KLF12: variants seen among roughly 807,000 people sequenced by gnomAD.
The protein encoded by KLF12 is Krueppel-like factor 12.
In KLF12, 9 loss-of-function variants were observed where a neutral mutation model predicts 37.8. The ratio of observed to expected loss-of-function variants is 0.24; its 90% CI spans 0.14 to 0.42. The LOEUF (loss-of-function observed/expected upper bound fraction) is 0.42. Ranked by LOEUF, KLF12 falls within the 10% of genes least tolerant of loss-of-function variation. The pLI, the probability that KLF12 is intolerant of heterozygous loss-of-function variation, is 1.00. For missense variants in KLF12, 411 were observed against 516.0 expected (o/e 0.80, Z 1.97); for synonymous variants, 208 against 202.1 (o/e 1.03, Z -0.25).
the KLF12 span, among the ~76,000 whole-genome samples, chr13:74,299,329 G>A: frequency 6.6e-6 from 1 of 152,282 alleles, no homozygotes; most frequent in Non-Finnish European, 1.5e-5. Flanking sequence ...GAGTGGAAGA[G>A]CAATGTGACC....
At chr13:73,771,834 A>G (rs1477329465) in intron 5 of KLF12, among the ~76,000 whole-genome samples, 1 of 152,244 alleles carries the variant, frequency 6.6e-6, no homozygotes. Context: ...TCCAGGAGGA[A>G]GAGACTTTTA....
At chr13:74,301,662 T>A in the KLF12 span, among the ~76,000 whole-genome samples, 1 of 152,150 alleles carries the variant, frequency 6.6e-6, no homozygotes, top group Non-Finnish European at 1.5e-5. Context: ...GGGCTGCAGC[T>A]TTTCAGAGTA....
At chr13:73,825,430 T>C (rs563711693) in intron 4 of KLF12, among the ~76,000 whole-genome samples, 1 of 152,216 alleles carries the variant, frequency 6.6e-6, no homozygotes, top group African/African-American at 2.4e-5. Flanking sequence ...ACTGCTATAG[T>C]ATACACTATA....
chr13:73,959,042 C>T (rs1890936029), intron 2 of KLF12, among the ~76,000 whole-genome samples: 1 of 145,660 alleles, frequency 6.9e-6, no homozygotes, highest in African/African-American at 2.5e-5. Flanking sequence ...CCCTTAACAT[C>T]TCCAACTGGA....
intron 3 of KLF12, among the ~76,000 whole-genome samples, chr13:73,900,525 T>C (rs56895229): frequency 0.012 from 1,814 of 152,220 alleles, 26 homozygotes; most frequent in African/African-American, 0.04. Context: ...GGACTCTACA[T>C]ATTATGGAAT....
intron 1 of KLF12, among the ~76,000 whole-genome samples, chr13:74,041,774 A>G (rs1395674121): frequency 1.3e-5 from 2 of 151,978 alleles, no homozygotes; most frequent in Non-Finnish European, 2.9e-5. Context: ...GCAGAATAGC[A>G]AAGTTTTCAG....
the KLF12 span, among the ~76,000 whole-genome samples, chr13:74,164,523 A>G: frequency 6.6e-6 from 1 of 152,208 alleles, no homozygotes; most frequent in Non-Finnish European, 1.5e-5. Context: ...TTATTTTTAA[A>G]ATGTTAGTTC....
In KLF12 at chr13:73,958,761, G is replaced by A. The variant is rs147769389; in HGVS notation, c.34-14691C>T. On this transcript the variant is annotated intron_variant, in intron 2 of 7. Transcript: ENST00000377669. ...ATCTTTCTGGAAATTGAAAGGTGGC[G>A]GGGAGTGGGAAGTTTTGAATGTCAT... is the stretch of plus-strand genomic sequence containing the variant. Among the ~76,000 whole-genome samples, 385 of 152,118 alleles carry A rather than the reference G, an allele frequency of 2.5e-3. 3 individuals are homozygous for A. The highest frequency in any genetic ancestry group is 7.8e-3 in the African/African-American group (324 of 41,490).
intron 6 of KLF12, among the ~76,000 whole-genome samples, chr13:73,752,866 G>A (rs904353284): frequency 7.9e-5 from 12 of 151,280 alleles, no homozygotes; most frequent in African/African-American, 1.7e-4. Context: ...ACAGGTGCCC[G>A]CCACCATCAT....
rs112366783 is a variant in KLF12, at chr13:74,074,809, C to G, written c.-32+58930G>C. ...CCTGATGGCTTAAGCCTGGCTAAAG[C>G]TGGCATGTTCCTGACTAGAAAGGGG... is the stretch of plus-strand genomic sequence containing the variant. On this transcript the variant is annotated intron_variant, in intron 1 of 7. Transcript: ENST00000377669. Among the ~76,000 whole-genome samples the G allele has an allele frequency of 4.9e-3, 746 of 152,184 alleles. 10 individuals are homozygous for G. Among genetic ancestry groups the G allele is most frequent in the Non-Finnish European group, 8.9e-3 (604 of 68,002 alleles).
chr13:73,821,638 G>A (rs549449743), intron 4 of KLF12, among the ~76,000 whole-genome samples: 1 of 152,112 alleles, frequency 6.6e-6, no homozygotes, highest in Non-Finnish European at 1.5e-5. Context: ...TGTATGCAGG[G>A]CTTTCCTTAA....
chr13:73,761,207 A>G (rs1175957074), intron 6 of KLF12, among the ~76,000 whole-genome samples: 1 of 152,192 alleles, frequency 6.6e-6, no homozygotes, highest in Non-Finnish European at 1.5e-5. Context: ...AATGCAGAAA[A>G]ATAGATTTTT....
intron 3 of KLF12, among the ~76,000 whole-genome samples, chr13:73,887,287 T>C (rs1046510522): frequency 6.6e-6 from 1 of 152,214 alleles, no homozygotes; most frequent in African/African-American, 2.4e-5. Context: ...GGTTTAGATA[T>C]TTGTCCTGCC....
At chr13:73,918,293 TC>T (rs1888943856) in intron 3 of KLF12, among the ~76,000 whole-genome samples, 2 of 152,158 alleles carry the variant, frequency 1.3e-5, no homozygotes. Context: ...TAACTCCTCT[TC>T]TTACTCCTAC....
intron 3 of KLF12, among the ~76,000 whole-genome samples, chr13:73,879,050 T>C (rs1463161677): frequency 2.0e-5 from 3 of 152,146 alleles, no homozygotes; most frequent in Non-Finnish European, 2.9e-5. Context: ...GATAACAGAC[T>C]GGAGAAAAAC....
intron 3 of KLF12, among the ~76,000 whole-genome samples, chr13:73,893,506 C>G (rs913217983): frequency 2.0e-5 from 3 of 151,362 alleles, no homozygotes; most frequent in African/African-American, 7.3e-5. Flanking sequence ...CTCAGCCTCC[C>G]AAGTAGCTAG....
intron 1 of KLF12, among the ~76,000 whole-genome samples, chr13:74,097,533 A>T (rs1299802884): frequency 6.6e-6 from 1 of 152,182 alleles, no homozygotes; most frequent in Admixed American, 6.6e-5. Context: ...ATTGTAGGGT[A>T]TACAACCCTG....
At chr13:74,040,837 T>C (rs1232623204) in intron 1 of KLF12, among the ~76,000 whole-genome samples, 1 of 152,192 alleles carries the variant, frequency 6.6e-6, no homozygotes, top group East Asian at 1.9e-4. Context: ...GAAAACCAGC[T>C]TTTCTGATTT....
At chr13:74,229,555 A>T in the KLF12 span, among the ~76,000 whole-genome samples, 1 of 152,210 alleles carries the variant, frequency 6.6e-6, no homozygotes, top group Non-Finnish European at 1.5e-5. Flanking sequence ...GAGAATTTGG[A>T]AAAGGTAAGA....
Sources: gnomAD v4.1 joint callset for allele counts (sites outside exome capture counted in the v4.1 genomes callset) on GRCh38, gnomAD v4.1.1 for gene constraint, MANE v1.5 for transcripts, NCBI Gene and HGNC (gene_info 2026-07-23, HGNC 2026-07-21) for gene names.